The following SPEG variants were observed in gnomAD, a reference collection of about 807,000 sequenced individuals.
The protein encoded by SPEG is striated muscle enriched protein kinase.
SPEG carries 114 observed loss-of-function variants against 300.4 expected under a neutral mutation model. That is an observed-to-expected ratio of 0.38 (90% confidence interval 0.33 to 0.44). SPEG has a LOEUF of 0.44. Ranked by LOEUF, SPEG falls within the 20% of genes least tolerant of loss-of-function variation. The pLI is 1.00. For missense variants in SPEG, 4,201 were observed against 4,586.2 expected, an observed-to-expected ratio of 0.92 and a Z score of 2.43; for synonymous variants, 1,964 against 2,018.9, an observed-to-expected ratio of 0.97 and a Z score of 0.73.
rs995692614 is a variant in SPEG at position 219,483,885 on chromosome 2, G to A, written c.6422G>A (p.Arg2141Gln). 7 of 1,598,896 alleles carry A rather than the reference G, an allele frequency of 4.4e-6. No individual in the cohort carries two copies. Among genetic ancestry groups the A allele is most frequent in the African/African-American group, 1.3e-5 (1 of 74,752 alleles). Residue 2141 changes from arginine (R) to glutamine (Q), a missense_variant, in exon 30 of 41, where the codon CGG (arginine) becomes CAG (glutamine). This residue lies in a region of SPEG where 1,578 missense variants were observed against 1,506.0 expected (regional missense o/e 1.05). Transcript: ENST00000312358. ...FSQGEAEPRGRHRRAGAPLEI... is the reference protein window; with the variant it reads ...FSQGEAEPRGQHRRAGAPLEI... The stretch of plus-strand genomic sequence containing the variant: ...CAGGGTGAGGCGGAGCCCCGGGGCC[G>A]GCACCGCCGAGCGGGGGCGCCCCTC...
intron 9 of SPEG, chr2:219,466,337 G>T: frequency 2.1e-6 from 3 of 1,405,536 alleles, no homozygotes; most frequent in Non-Finnish European, 2.8e-6. Context: ...GGCTGCGAGG[G>T]GTATCAACCC....
rs759630830 is a variant in SPEG, at chr2:219,448,995, C to T, written c.1837C>T (p.Pro613Ser). 3.4e-6 allele frequency: 5 copies of T among 1,481,978 alleles called. No individual in the cohort carries two copies. The South Asian group carries it at 5.3e-5, about 16-fold the overall frequency. 91.8% of individuals were successfully genotyped at this position (1,481,978 alleles called of 1,614,324 possible). A position where few individuals can be genotyped will look rare whatever the true frequency, so the allele number is the denominator to read the frequency against. Residue 613 changes from proline to serine, a missense_variant, in exon 4 of 41, where the codon CCC (proline) becomes TCC (serine). Pro to Ser is a moderately conservative substitution (Grantham distance 74). Coordinates refer to ENST00000312358, the MANE Select transcript of SPEG (RefSeq NM_005876.5). ...AIQECRSPVPPPAADPPEART... is the reference protein window; with the variant it reads ...AIQECRSPVPSPAADPPEART... Reference sequence around the variant, plus strand: ...CCAGGAGTGCAGGAGCCCTGTGCCGCCCCCCGCCGCCGATCCCCCAGAGGC... The same window carrying T: ...CCAGGAGTGCAGGAGCCCTGTGCCGTCCCCCGCCGCCGATCCCCCAGAGGC...
chr2:219,473,749 G>A lies in SPEG; in HGVS notation c.4293G>A (p.Glu1431=). The A allele has an allele frequency of 6.2e-7, 1 of 1,613,714 alleles. No homozygotes were observed. The highest frequency in any genetic ancestry group is 8.5e-7 in the Non-Finnish European group (1 of 1,179,822). The change falls in exon 18 of 41, where the codon GAG becomes GAA. Residue 1431 remains glutamate (E), a synonymous_variant. Transcript: ENST00000312358. This position sits in a 1 kb window ranked among gnomAD's most constrained non-coding sequence, Gnocchi z 4.6. The part of the protein sequence containing the change: ...VWRSCRGALL[E]ARAGVYELSQ... ...CTAGCTGCCGAGGGGCCCTCCTAGA[G>A]GCACGGGCCGGTGTGTACGAGCTGA...
rs1367321817 is a variant in SPEG at position 219,481,483 on chromosome 2, A to C, written c.5522+27A>C. On this transcript the variant is annotated intron_variant, in intron 27 of 40. Transcript: ENST00000312358. The surrounding 1 kb of genome is among the most constrained non-coding windows in gnomAD (Gnocchi z 5.4). Reference sequence around the variant, plus strand: ...TGAGTACAAGGCCCTGGGAGCCCCCACCTGCAGGGTCACCCTCATACCACC... The same window carrying C: ...TGAGTACAAGGCCCTGGGAGCCCCCCCCTGCAGGGTCACCCTCATACCACC... The C allele has an allele frequency of 6.2e-7, 1 of 1,612,282 alleles. No homozygotes were observed. The highest frequency in any genetic ancestry group is 1.7e-5 in the Admixed American group (1 of 59,940).
intron 1 of SPEG, chr2:219,442,099 G>T: frequency 8.4e-7 from 1 of 1,192,924 alleles, no homozygotes; most frequent in Non-Finnish European, 1.0e-6. Flanking sequence ...GGCTCCGGGG[G>T]CGGGCGGCGC....
chr2:219,471,779 G>A, intron 13 of SPEG, 89 bp from the exon 14 acceptor site: 1 of 1,530,516 alleles, frequency 6.5e-7, no homozygotes, highest in South Asian at 1.2e-5. Context: ...AGTGGATGGG[G>A]GTGAGGGACC....
chr2:219,436,535 C>G (rs541027769), intron 1 of SPEG, among the ~76,000 whole-genome samples: 1 of 152,262 alleles, frequency 6.6e-6, no homozygotes, highest in African/African-American at 2.4e-5. Flanking sequence ...GGGGTAAATC[C>G]TTGGAGGCTG....
In SPEG at chr2:219,473,677, G is replaced by A. The variant is rs762090714; in HGVS notation, c.4271+50G>A. On this transcript the variant is annotated intron_variant, in intron 17 of 40. Transcript: ENST00000312358. The surrounding 1 kb of genome is among the most constrained non-coding windows in gnomAD (Gnocchi z 4.6). ...AGCCCAGGTCTGGCCCAGCCTGGCC[G>A]GAATGCCCTGGGGCAAGATCTGGGT... 9.3e-6 allele frequency: 15 copies of A among 1,613,444 alleles called. No homozygotes were observed. The highest frequency in any genetic ancestry group is 2.2e-5 in the East Asian group (1 of 44,886).
At chr2:219,450,240 T>C (rs1689641695) in intron 4 of SPEG, among the ~76,000 whole-genome samples, 1 of 152,256 alleles carries the variant, frequency 6.6e-6, no homozygotes, top group South Asian at 2.1e-4. Flanking sequence ...TTGTGTTAAC[T>C]AGGCCCTTAC....
At chr2:219,478,141 T>C in intron 22 of SPEG, 36 bp downstream of exon 22, 2 of 1,567,466 alleles carry the variant, frequency 1.3e-6, no homozygotes, top group African/African-American at 1.4e-5. Context: ...GGGGGATCCA[T>C]GCCTAAATGA....
intron 9 of SPEG, chr2:219,465,870 T>TGC: frequency 3.2e-6 from 2 of 622,394 alleles, no homozygotes; most frequent in South Asian, 3.7e-5. Flanking sequence ...TGTGTGTGCG[T>TGC]GTGTGCGTGC....
rs1348296782 is a variant in SPEG at position 219,448,139 on chromosome 2, G to T, written c.981G>T (p.Gln327His). Residue 327 changes from glutamine to histidine, a missense_variant, in exon 4 of 41, where the codon CAG becomes CAT. Gln to His is a conservative substitution (Grantham distance 24). Transcript: ENST00000312358. ...GKRSPPGPPA[Q>H]PAATPTSPHR... ...GGTCCCCGCCGGGACCCCCGGCCCA[G>T]CCCGCGGCCACCCCCACGTCGCCCC... The T allele has an allele frequency of 6.2e-7, 1 of 1,607,028 alleles. No individual in the cohort carries two copies. The highest frequency in any genetic ancestry group is 2.2e-5 in the East Asian group (1 of 44,566).
rs1209905180 is a variant in SPEG at position 219,477,889 on chromosome 2, T to A, written c.4827-16T>A. 1 of 1,612,444 alleles carries A rather than the reference T, an allele frequency of 6.2e-7. No individual in the cohort carries two copies. Among genetic ancestry groups the A allele is most frequent in the Admixed American group, 1.7e-5 (1 of 59,994 alleles). ...CAGTGATGGCTGATCTCTGACCCCC[T>A]CCCTGTGTCAACCAGGGGTGCTTTC... On this transcript the variant is annotated splice_polypyrimidine_tract_variant and intron_variant, in intron 21 of 40. Transcript: ENST00000312358. This position sits in a 1 kb window ranked among gnomAD's most constrained non-coding sequence, Gnocchi z 6.4.
Position 219,445,042 on chromosome 2 carries a change from G to A in SPEG, c.696G>A (p.Arg232=). ...PRHLGVEPLV[R]ASRANLVGAS... ...ACCTGGGGGTGGAGCCGCTGGTGCG[G>A]GCATCTCGAGCTAATCTGGTGGGCG... Residue 232 remains arginine, a synonymous_variant, in exon 3 of 41, where the codon CGG becomes CGA. Transcript: ENST00000312358. The surrounding 1 kb of genome is among the most constrained non-coding windows in gnomAD (Gnocchi z 6.1). 6.2e-7 allele frequency: 1 copy of A among 1,607,670 alleles called. No homozygotes were observed. The highest frequency in any genetic ancestry group is 8.5e-7 in the Non-Finnish European group (1 of 1,177,112).
Position 219,483,627 on chromosome 2 carries a change from G to T in SPEG, c.6164G>T (p.Arg2055Leu). Reference protein sequence around the residue: ...SPSPGATRLARGGLGEGEYAQ... With the variant: ...SPSPGATRLALGGLGEGEYAQ... The stretch of plus-strand genomic sequence containing the variant: ...AGCCCGGGAGCCACCCGCCTGGCCC[G>T]GGGAGGCCTGGGTGAGGGCGAGTAT... The change falls in exon 30 of 41, where the codon CGG becomes CTG. Residue 2055 changes from arginine (R) to leucine (L), a missense_variant. Transcript: ENST00000312358. 1 of 1,514,588 alleles carries T rather than the reference G, an allele frequency of 6.6e-7. No homozygotes were observed. The highest frequency in any genetic ancestry group is 8.8e-7 in the Non-Finnish European group (1 of 1,139,320). The allele number at this position is 1,514,588 out of a possible 1,614,324, so 93.8% of individuals were successfully genotyped here. A position where few individuals can be genotyped will look rare whatever the true frequency, so the allele number is the denominator to read the frequency against.
At chr2:219,467,001 G>T (rs1274393005) in intron 9 of SPEG, 173 bp from the exon 10 acceptor site, 13 of 1,051,702 alleles carry the variant, frequency 1.2e-5, no homozygotes, top group African/African-American at 1.6e-5. Flanking sequence ...TCAAAGCCAG[G>T]TCTGGGCATG....
rs374611332 is a variant in SPEG, at chr2:219,492,280, G to A, written c.9611+20G>A. On this transcript the variant is annotated intron_variant, in intron 40 of 40. Coordinates refer to ENST00000312358, the MANE Select transcript of SPEG (RefSeq NM_005876.5). ...TCCCTGGTGAGTGAGCCCCACACCT[G>A]CTATCCCCCAGTGTTACCTGCCCCT... 2 of 1,604,450 alleles carry A rather than the reference G, an allele frequency of 1.2e-6. No homozygotes were observed. Among genetic ancestry groups the A allele is most frequent in the East Asian group, 2.2e-5 (1 of 44,642 alleles).
intron 6 of SPEG, among the ~76,000 whole-genome samples, chr2:219,455,459 T>C (rs1333420059): frequency 6.6e-6 from 1 of 152,164 alleles, no homozygotes; most frequent in Non-Finnish European, 1.5e-5. Flanking sequence ...GGAACTGCAT[T>C]TTAAATTTAA....
chr2:219,491,194 C>A (rs1366922499), intron 38 of SPEG, among the ~76,000 whole-genome samples: 1 of 152,178 alleles, frequency 6.6e-6, no homozygotes, highest in Non-Finnish European at 1.5e-5. Flanking sequence ...TGCAATCAGA[C>A]AATTATAAAT....
Sources: gnomAD v4.1 joint callset for allele counts (sites outside exome capture counted in the v4.1 genomes callset) on GRCh38, gnomAD v4.1.1 for gene constraint, gnomAD v4.1.1 regional missense constraint, Gnocchi (gnomAD v3.1) non-coding constraint, MANE v1.5 for transcripts, NCBI Gene and HGNC (gene_info 2026-07-23, HGNC 2026-07-21) for gene names.